The following SGCZ variants were observed in gnomAD, a reference collection of about 807,000 sequenced individuals.
SGCZ encodes the protein zeta-sarcoglycan.
Under a neutral mutation model 41.3 loss-of-function variants are expected in SGCZ, and 40 were observed. The observed-to-expected ratio is 0.97, with a 90% confidence interval of 0.75 to 1.26. The LOEUF (loss-of-function observed/expected upper bound fraction) is 1.26. Among genes scored for constraint, SGCZ ranks in the 50% most tolerant of loss-of-function variants. SGCZ has a pLI of 0.00. For missense variants in SGCZ, 552 were observed against 369.8 expected, an observed-to-expected ratio of 1.49 and a Z score of -4.04; for synonymous variants, 206 against 137.5, an observed-to-expected ratio of 1.50 and a Z score of -3.49.
intron 1 of SGCZ, among the ~76,000 whole-genome samples, chr8:14,965,104 C>A (rs977947799): frequency 2.6e-5 from 4 of 152,070 alleles, no homozygotes; most frequent in African/African-American, 9.7e-5. Flanking sequence ...GACATAACAG[C>A]CTATCAGGAC....
chr8:14,358,060 C>A (rs1432148496), intron 2 of SGCZ, among the ~76,000 whole-genome samples: 2 of 152,256 alleles, frequency 1.3e-5, no homozygotes, highest in East Asian at 3.9e-4. Flanking sequence ...TGCACTCACT[C>A]ATTTATTCAC....
intron 1 of SGCZ, among the ~76,000 whole-genome samples, chr8:14,888,885 A>C (rs1286330675): frequency 1.3e-5 from 2 of 152,178 alleles, no homozygotes; most frequent in African/African-American, 4.8e-5. Flanking sequence ...ATATTACTTT[A>C]ATGATATGGG....
chr8:14,679,613 T>C (rs953513673), intron 1 of SGCZ, among the ~76,000 whole-genome samples: 1 of 151,766 alleles, frequency 6.6e-6, no homozygotes, highest in Non-Finnish European at 1.5e-5. Context: ...AAAGTAAAAA[T>C]TTGAAGAAAT....
At chr8:14,223,390 C>A (rs991830925) in intron 4 of SGCZ, among the ~76,000 whole-genome samples, 4 of 152,012 alleles carry the variant, frequency 2.6e-5, no homozygotes, top group African/African-American at 4.8e-5. Context: ...GAACGGATAA[C>A]TTTAATAAAT....
At chr8:15,235,922 G>A (rs749869693) in intron 1 of SGCZ, among the ~76,000 whole-genome samples, 35 of 152,280 alleles carry the variant, frequency 2.3e-4, no homozygotes, top group Admixed American at 1.2e-3. Context: ...CCAAGAGACT[G>A]GGATGCTTGG....
Position 14,402,363 on chromosome 8 carries a change from C to T in SGCZ, c.235-78159G>A, listed in dbSNP as rs569757726. ...GTGTTTTAGACATGAAGTCCTTGCC[C>T]ATGCCTATGTCCTGAATGGTAATGC... On this transcript the variant is annotated intron_variant, in intron 2 of 7. Coordinates refer to ENST00000382080, the MANE Select transcript of SGCZ (RefSeq NM_139167.4). Among the ~76,000 whole-genome samples, 433 of 151,732 alleles carry T rather than the reference C, an allele frequency of 2.9e-3. 2 individuals are homozygous for T. The highest frequency in any genetic ancestry group is 1.0e-2 in the African/African-American group (409 of 41,090).
intron 4 of SGCZ, among the ~76,000 whole-genome samples, chr8:14,229,255 G>A (rs1183524505): frequency 6.6e-6 from 1 of 152,048 alleles, no homozygotes; most frequent in East Asian, 1.9e-4. Context: ...TTGGTATAAT[G>A]ATTCAGGATG....
intron 1 of SGCZ, among the ~76,000 whole-genome samples, chr8:14,900,844 C>A (rs928583553): frequency 6.6e-6 from 1 of 152,198 alleles, no homozygotes. Flanking sequence ...CAGGCATTTC[C>A]CATATTGGCC....
At chr8:14,284,348 T>C (rs1489469348) in intron 3 of SGCZ, among the ~76,000 whole-genome samples, 2 of 152,212 alleles carry the variant, frequency 1.3e-5, no homozygotes, top group Non-Finnish European at 2.9e-5. Flanking sequence ...GCTGTGGCCA[T>C]GCCACTGAAT....
At chr8:14,878,396 G>C (rs543783784) in intron 1 of SGCZ, among the ~76,000 whole-genome samples, 1 of 151,974 alleles carries the variant, frequency 6.6e-6, no homozygotes, top group Non-Finnish European at 1.5e-5. Flanking sequence ...GAAAAAAAAA[G>C]ATTGGAGTCA....
intron 1 of SGCZ, among the ~76,000 whole-genome samples, chr8:14,693,312 G>A (rs796624222): frequency 6.3e-5 from 9 of 143,286 alleles, no homozygotes; most frequent in African/African-American, 2.1e-4. Context: ...TTTTCCCCCA[G>A]ATGAAATCTT....
intron 4 of SGCZ, among the ~76,000 whole-genome samples, chr8:14,210,748 T>C (rs780721486): frequency 1.1e-4 from 16 of 152,340 alleles, no homozygotes; most frequent in Non-Finnish European, 2.1e-4. Flanking sequence ...ATTACAGGCG[T>C]GAGCCACTGC....
chr8:14,328,004 T>C (rs1021329489), intron 2 of SGCZ, among the ~76,000 whole-genome samples: 1 of 152,200 alleles, frequency 6.6e-6, no homozygotes, highest in African/African-American at 2.4e-5. Flanking sequence ...ACTGCTCTTA[T>C]AACACCGTGT....
chr8:14,735,342 GCA>G (rs1439755703), intron 1 of SGCZ, among the ~76,000 whole-genome samples: 2 of 152,174 alleles, frequency 1.3e-5, no homozygotes, highest in Admixed American at 6.6e-5. Context: ...ATGTGGGTGG[GCA>G]CCATCCAATT....
At chr8:14,890,180 G>A (rs977450941) in intron 1 of SGCZ, among the ~76,000 whole-genome samples, 3 of 151,438 alleles carry the variant, frequency 2.0e-5, no homozygotes, top group Admixed American at 6.6e-5. Flanking sequence ...TTGCACCACT[G>A]CACTCCAGCC....
chr8:14,119,607 T>A (rs917544232), intron 5 of SGCZ, among the ~76,000 whole-genome samples: 12 of 152,160 alleles, frequency 7.9e-5, no homozygotes, highest in Non-Finnish European at 1.2e-4. Context: ...TGAATAGGAG[T>A]GGTGAGAGAG....
intron 5 of SGCZ, among the ~76,000 whole-genome samples, chr8:14,127,207 G>T (rs1802888767): frequency 6.6e-6 from 1 of 152,092 alleles, no homozygotes; most frequent in African/African-American, 2.4e-5. Flanking sequence ...AATTATTATT[G>T]TCAGTGAGAA....
intron 1 of SGCZ, among the ~76,000 whole-genome samples, chr8:14,958,385 T>C (rs78261553): frequency 0.039 from 5,869 of 152,100 alleles, 360 homozygotes; most frequent in African/African-American, 0.13. Context: ...GTTCATACAA[T>C]GGAATATTTA....
At chr8:14,257,345 T>G (rs2117223287) in intron 3 of SGCZ, among the ~76,000 whole-genome samples, 1 of 127,766 alleles carries the variant, frequency 7.8e-6, no homozygotes, top group South Asian at 2.3e-4. Context: ...AGACCCTGTC[T>G]CCAGAAAAAA....
Sources: allele counts gnomAD v4.1 joint callset (sites outside exome capture counted in the v4.1 genomes callset), GRCh38; gene constraint gnomAD v4.1.1; transcripts MANE v1.5; gene names NCBI Gene and HGNC (gene_info 2026-07-23, HGNC 2026-07-21).